Variants in GARNL3 observed in about 807,000 individuals in gnomAD.
The protein encoded by GARNL3 is GTPase activating Rap/RanGAP domain like 3.
In GARNL3, 63 loss-of-function variants were observed where a neutral mutation model predicts 125.0. The observed-to-expected ratio is 0.50, with a 90% confidence interval of 0.41 to 0.62. The LOEUF (loss-of-function observed/expected upper bound fraction) is 0.62, where lower values mean the gene tolerates loss of function less well. Among genes scored for constraint, GARNL3 ranks in the 20% least tolerant of loss-of-function variants. The probability of loss-of-function intolerance (pLI) is 0.00; values close to 1 mark genes in which losing one functional copy is unlikely to be tolerated. For missense variants in GARNL3, 994 were observed against 1,244.0 expected, an observed-to-expected ratio of 0.80 and a Z score of 3.02; for synonymous variants, 439 against 457.5, an observed-to-expected ratio of 0.96 and a Z score of 0.52.
chr9:127,360,077 G>A (rs1233478575), intron 21 of GARNL3, among the ~76,000 whole-genome samples: 1 of 152,160 alleles, frequency 6.6e-6, no homozygotes, highest in African/African-American at 2.4e-5. Flanking sequence ...CTGGAGTGCA[G>A]TGGCGCAATC....
intron 22 of GARNL3, among the ~76,000 whole-genome samples, chr9:127,381,217 A>G (rs952878253): frequency 2.6e-5 from 4 of 152,190 alleles, no homozygotes; most frequent in African/African-American, 9.7e-5. Context: ...GTGGTCTATA[A>G]ATGATCTCAG....
intron 8 of GARNL3, 21 bp downstream of exon 8, chr9:127,332,370 C>G (rs1829310573): frequency 2.5e-6 from 4 of 1,600,180 alleles, no homozygotes; most frequent in Non-Finnish European, 2.6e-6. Flanking sequence ...TCCTCCCGCT[C>G]TCTGCTGCCA....
At chr9:127,342,892 CTTTTTT>C (rs59554997) in intron 14 of GARNL3, among the ~76,000 whole-genome samples, 1 of 81,602 alleles carries the variant, frequency 1.2e-5, no homozygotes. Context: ...GTGCTCTTTT[CTTTTTT>C]TTTTTTTTTT....
At chr9:127,367,033 T>C (rs151316768) in intron 22 of GARNL3, 1 of 152,348 alleles carries the variant, frequency 6.6e-6, no homozygotes, top group African/African-American at 2.4e-5. Context: ...CCTCAGAGGT[T>C]CCCATAGCTT....
intron 1 of GARNL3, among the ~76,000 whole-genome samples, chr9:127,269,746 T>A (rs751477137): frequency 5.3e-5 from 8 of 151,808 alleles, no homozygotes; most frequent in Non-Finnish European, 1.2e-4. Context: ...AATTCTTTGT[T>A]CATTCTTGAA....
intron 21 of GARNL3, chr9:127,362,904 C>T (rs1831088411): frequency 6.6e-6 from 1 of 152,238 alleles, no homozygotes; most frequent in South Asian, 2.1e-4. Flanking sequence ...ATCTTACAAA[C>T]GAAGAAACTG....
intron 22 of GARNL3, among the ~76,000 whole-genome samples, chr9:127,382,218 T>G (rs577878388): frequency 6.6e-6 from 1 of 152,192 alleles, no homozygotes; most frequent in Non-Finnish European, 1.5e-5. Context: ...GAGAATCGCT[T>G]GAACCTGGGA....
chr9:127,297,919 C>T (rs1387908371), intron 2 of GARNL3, among the ~76,000 whole-genome samples: 1 of 152,218 alleles, frequency 6.6e-6, no homozygotes, highest in African/African-American at 2.4e-5. Context: ...ATCGAATGTA[C>T]TCATTAAAAC....
intron 21 of GARNL3, among the ~76,000 whole-genome samples, chr9:127,359,229 C>T (rs1042736491): frequency 1.3e-5 from 2 of 152,218 alleles, no homozygotes; most frequent in Non-Finnish European, 2.9e-5. Flanking sequence ...GTGGCTCACA[C>T]CTGTAATCCC....
chr9:127,348,959 T>G lies in GARNL3; in HGVS notation c.1467T>G (p.Pro489=). 6.2e-7 allele frequency: 1 copy of G among 1,613,688 alleles called. No individual in the cohort carries two copies. Among genetic ancestry groups the G allele is most frequent in the East Asian group, 2.2e-5 (1 of 44,870 alleles). Residue 489 remains proline (P), a synonymous_variant, in exon 17 of 28, where the codon CCT becomes CCG. Transcript: ENST00000373387. The stretch of plus-strand genomic sequence containing the variant: ...CCCAGTGTTTCTGCAGTAATTTCCC[T>G]CATGAAGCCGTGTGTGCAGATCCCT... ...WEPQCFCSNF[P]HEAVCADPWG...
intron 1 of GARNL3, among the ~76,000 whole-genome samples, chr9:127,238,789 C>T (rs2063155323): frequency 6.6e-6 from 1 of 152,184 alleles, no homozygotes; most frequent in South Asian, 2.1e-4. Flanking sequence ...CTGTACTCCT[C>T]ATCTGTCCGG....
chr9:127,382,040 C>T (rs930026861), intron 22 of GARNL3, among the ~76,000 whole-genome samples: 8 of 152,146 alleles, frequency 5.3e-5, no homozygotes, highest in African/African-American at 7.2e-5. Flanking sequence ...GTGGCTCATG[C>T]CTGTAATCCC....
chr9:127,257,703 G>T (rs954658347), intron 2 of GARNL3, among the ~76,000 whole-genome samples: 1 of 152,348 alleles, frequency 6.6e-6, no homozygotes, highest in East Asian at 1.9e-4. Context: ...GTACTTGAAA[G>T]TATGTCTGAG....
chr9:127,225,049 C>T (rs1301175982), intron 1 of GARNL3, among the ~76,000 whole-genome samples: 2 of 125,910 alleles, frequency 1.6e-5, no homozygotes, highest in Non-Finnish European at 3.4e-5. Flanking sequence ...GGGGCCGGGA[C>T]CAGGGTGAGT....
rs539952347 is a variant in GARNL3, at chr9:127,302,088, G to A, written c.220-9548G>A. Among the ~76,000 whole-genome samples the A allele has an allele frequency of 1.5e-4, 22 of 151,630 alleles. No homozygotes were observed. The South Asian group carries it at 1.7e-3, about 12-fold the overall frequency. ...CTCCAGAGTAGCTGGGACTACAGGC[G>A]CCTGCCACCACACCTGGCTAGTTTT... On this transcript the variant is annotated intron_variant, in intron 2 of 27. Transcript: ENST00000373387.
chr9:127,375,467 GA>G (rs1176190521), intron 22 of GARNL3, among the ~76,000 whole-genome samples: 182 of 78,040 alleles, frequency 2.3e-3, no homozygotes, highest in East Asian at 2.9e-3. Context: ...CTCTGTCTCA[GA>G]AAAAAAAAAA....
intron 7 of GARNL3, among the ~76,000 whole-genome samples, chr9:127,329,649 G>T (rs1359981107): frequency 6.6e-6 from 1 of 151,906 alleles, no homozygotes; most frequent in Non-Finnish European, 1.5e-5. Context: ...GGTGGTAGTA[G>T]GCCCCATCTC....
chr9:127,351,543 C>G (rs1200421325), intron 17 of GARNL3, among the ~76,000 whole-genome samples: 1 of 151,308 alleles, frequency 6.6e-6, no homozygotes, highest in Non-Finnish European at 1.5e-5. Flanking sequence ...AGCCACAATT[C>G]TCTTATTTCT....
At chr9:127,300,728 T>G (rs953480805) in intron 2 of GARNL3, 1 of 338,294 alleles carries the variant, frequency 3.0e-6, no homozygotes, top group African/African-American at 2.2e-5. Flanking sequence ...GTGCTGGGAT[T>G]ACAGGCGCGA....
Sources: gnomAD v4.1 joint callset for allele counts (sites outside exome capture counted in the v4.1 genomes callset) on GRCh38, gnomAD v4.1.1 for gene constraint, MANE v1.5 for transcripts, NCBI Gene and HGNC (gene_info 2026-07-23, HGNC 2026-07-21) for gene names.